The following ZNF875 variants were observed in gnomAD, a reference collection of about 807,000 sequenced individuals.
ZNF875 encodes the protein zinc finger protein 875.
In ZNF875, 14 loss-of-function variants were observed where a neutral mutation model predicts 11.2. That is an observed-to-expected ratio of 1.26 (90% CI 0.83 to 1.96). The LOEUF is 1.96. Among genes scored for constraint, ZNF875 ranks in the 30% most tolerant of loss-of-function variants. ZNF875 has a pLI of 0.00. For missense variants in ZNF875, 752 were observed against 760.4 expected, an observed-to-expected ratio of 0.99 and a Z score of 0.13; for synonymous variants, 301 against 281.1, an observed-to-expected ratio of 1.07 and a Z score of -0.71.
At chr19:37,343,641 G>C (rs1249500111) in intron 2 of ZNF875, among the ~76,000 whole-genome samples, 1 of 152,074 alleles carries the variant, frequency 6.6e-6, no homozygotes, top group East Asian at 1.9e-4. Flanking sequence ...GTGGTCTCAA[G>C]GTTTCTTGCA....
chr19:37,317,263 G>A, upstream of ZNF875: 1 of 120,404 alleles, frequency 8.3e-6, no homozygotes, highest in Non-Finnish European at 1.6e-5. Flanking sequence ...TCTGCTCACT[G>A]CAAGCTCCTC....
At chr19:37,323,969 G>C (rs1336785017) in intron 3 of ZNF875, among the ~76,000 whole-genome samples, 3 of 152,204 alleles carry the variant, frequency 2.0e-5, no homozygotes, top group Admixed American at 2.0e-4. Flanking sequence ...CATTCTGTCT[G>C]TTTAGCGCTT....
At chr19:37,353,532 A>G (rs1432856394) in intron 4 of ZNF875, among the ~76,000 whole-genome samples, 1 of 152,226 alleles carries the variant, frequency 6.6e-6, no homozygotes, top group African/African-American at 2.4e-5. Context: ...TCCTTAATGT[A>G]GATACAAGTT....
chr19:37,331,372 G>A (rs1164734456), upstream of ZNF875, among the ~76,000 whole-genome samples: 1 of 151,840 alleles, frequency 6.6e-6, no homozygotes, highest in East Asian at 2.0e-4. Flanking sequence ...TGGATTACAG[G>A]CAGTGGCCAC....
chr19:37,335,032 C>T, intron 1 of ZNF875, 137 bp from the exon 2 acceptor site: 1 of 567,826 alleles, frequency 1.8e-6, no homozygotes, highest in Non-Finnish European at 3.2e-6. Context: ...TGGCCCCCCA[C>T]TGGATGGGAA....
At chr19:37,339,204 A>T (rs1181049368) in intron 2 of ZNF875, among the ~76,000 whole-genome samples, 1 of 151,892 alleles carries the variant, frequency 6.6e-6, no homozygotes, top group Non-Finnish European at 1.5e-5. Context: ...CCCTGCAAAC[A>T]TATTTTGACA....
chr19:37,334,244 C>A (rs1359031842), upstream of ZNF875, among the ~76,000 whole-genome samples: 4 of 152,170 alleles, frequency 2.6e-5, no homozygotes, highest in Non-Finnish European at 5.9e-5. Flanking sequence ...CATCGTCTCT[C>A]CCTGAGCCGC....
At chr19:37,340,679 G>T (rs1795387221) in intron 2 of ZNF875, among the ~76,000 whole-genome samples, 1 of 124,332 alleles carries the variant, frequency 8.0e-6, no homozygotes, top group Non-Finnish European at 1.6e-5. Context: ...GACGGAGTCT[G>T]GCCCTGTCGC....
At position 37,362,798 on chromosome 19, in the gene ZNF875, G is replaced by T; in HGVS notation, c.946G>T (p.Gly316Ter). Residue 316 changes from glycine to a stop codon, truncating the protein, a stop_gained, in exon 5 of 5, where the codon GGA becomes TGA. Transcript: ENST00000392153. LOFTEE classifies it low-confidence loss of function (END_TRUNC). ...GAAACCTTATGTGTGCAAGGATTGT[G>T]GACGAGGCTTTACTTGGAAGTCGAA... ...GEKPYVCKDC[G>*]RGFTWKSNLF... 1.2e-6 allele frequency: 2 copies of T among 1,614,018 alleles called. No individual in the cohort carries two copies. Among genetic ancestry groups the T allele is most frequent in the Non-Finnish European group, 1.7e-6 (2 of 1,179,978 alleles).
intron 4 of ZNF875, among the ~76,000 whole-genome samples, chr19:37,328,153 T>A (rs1261664547): frequency 6.6e-6 from 1 of 151,954 alleles, no homozygotes; most frequent in Non-Finnish European, 1.5e-5. Flanking sequence ...GACAGGAGAA[T>A]CACTTGAACT....
chr19:37,356,942 A>G (rs1225366084), intron 4 of ZNF875, among the ~76,000 whole-genome samples: 1 of 152,016 alleles, frequency 6.6e-6, no homozygotes, highest in Non-Finnish European at 1.5e-5. Flanking sequence ...TTCCTTTAGG[A>G]ATTTTATAGT....
At chr19:37,336,390 C>T (rs967674745) in intron 2 of ZNF875, among the ~76,000 whole-genome samples, 1 of 150,702 alleles carries the variant, frequency 6.6e-6, no homozygotes, top group Non-Finnish European at 1.5e-5. Flanking sequence ...GACTCTGCCT[C>T]CCAGGTTCAC....
chr19:37,336,187 T>C (rs758791462), intron 2 of ZNF875, among the ~76,000 whole-genome samples: 31 of 152,020 alleles, frequency 2.0e-4, no homozygotes, highest in Non-Finnish European at 3.2e-4. Context: ...AAGTTGGAGA[T>C]TGGGGGGAAG....
At chr19:37,326,721 G>A (rs1036650668) in intron 4 of ZNF875, among the ~76,000 whole-genome samples, 19 of 126,030 alleles carry the variant, frequency 1.5e-4, no homozygotes, top group Admixed American at 4.9e-4. Context: ...AGACTGGAGT[G>A]CAGTGGCGTG....
intron 4 of ZNF875, among the ~76,000 whole-genome samples, chr19:37,352,881 T>C (rs2038177100): frequency 2.0e-5 from 3 of 146,814 alleles, no homozygotes; most frequent in Non-Finnish European, 4.5e-5. Context: ...TTTCTTTTTT[T>C]TTTTTTTTTT....
At chr19:37,338,209 G>A (rs1156343416) in intron 2 of ZNF875, among the ~76,000 whole-genome samples, 3 of 152,072 alleles carry the variant, frequency 2.0e-5, no homozygotes, top group South Asian at 2.1e-4. Context: ...TGCAGTCTCC[G>A]CCTCCTGGGT....
chr19:37,361,833 C>T (rs534244355), intron 4 of ZNF875: 1 of 347,566 alleles, frequency 2.9e-6, no homozygotes, highest in Non-Finnish European at 5.2e-6. Flanking sequence ...AGGAGAATCG[C>T]TTGAACCCTG....
chr19:37,338,701 T>C (rs2035041708), intron 2 of ZNF875, among the ~76,000 whole-genome samples: 1 of 152,220 alleles, frequency 6.6e-6, no homozygotes, highest in South Asian at 2.1e-4. Flanking sequence ...ACACATGAAA[T>C]GTTTGGTGCA....
upstream of ZNF875, among the ~76,000 whole-genome samples, chr19:37,331,294 A>G (rs1184650059): frequency 1.4e-5 from 2 of 143,188 alleles, no homozygotes; most frequent in Non-Finnish European, 3.0e-5. Flanking sequence ...CAATGGCACA[A>G]TCTTGGCTCA....
Sources: gnomAD v4.1 joint callset for allele counts (sites outside exome capture counted in the v4.1 genomes callset) on GRCh38, gnomAD v4.1.1 for gene constraint, MANE v1.5 for transcripts, NCBI Gene and HGNC (gene_info 2026-07-23, HGNC 2026-07-21) for gene names.